The following PXDNL variants were observed in gnomAD, a reference collection of about 807,000 sequenced individuals.
The protein encoded by PXDNL is peroxidasin like.
In PXDNL, 145 loss-of-function variants were observed where a neutral mutation model predicts 150.8. The ratio of observed to expected loss-of-function variants is 0.96; its 90% CI spans 0.84 to 1.10. The LOEUF (loss-of-function observed/expected upper bound fraction) is 1.10, where lower values mean the gene tolerates loss of function less well. Ranked by LOEUF, PXDNL falls within the 50% of genes least tolerant of loss-of-function variation. The pLI, the probability that PXDNL is intolerant of heterozygous loss-of-function variation, is 0.00. For missense variants in PXDNL, 2,087 were observed against 1,873.9 expected (o/e 1.11, Z -2.10); for synonymous variants, 757 against 725.7 (o/e 1.04, Z -0.69).
intron 19 of PXDNL, among the ~76,000 whole-genome samples, chr8:51,368,149 A>G (rs1469406839): frequency 6.6e-6 from 1 of 152,146 alleles, no homozygotes; most frequent in Non-Finnish European, 1.5e-5. Context: ...AAAACAAAAC[A>G]AAACAAAATG....
chr8:51,568,964 T>G (rs1006495096), intron 3 of PXDNL, among the ~76,000 whole-genome samples: 2 of 151,936 alleles, frequency 1.3e-5, no homozygotes, highest in African/African-American at 4.8e-5. Flanking sequence ...TCCTAGAGTT[T>G]CTGTTTCTCT....
intron 19 of PXDNL, among the ~76,000 whole-genome samples, chr8:51,367,209 C>A (rs1806950700): frequency 6.6e-6 from 1 of 151,260 alleles, no homozygotes; most frequent in Non-Finnish European, 1.5e-5. Context: ...CTGGGATGTT[C>A]ACCCTCACCA....
chr8:51,436,451 C>T (rs1163181776), intron 12 of PXDNL: 4 of 356,498 alleles, frequency 1.1e-5, no homozygotes, highest in Non-Finnish European at 2.3e-5. Context: ...AATCAGCAAG[C>T]GAAAGATGTG....
intron 17 of PXDNL, among the ~76,000 whole-genome samples, chr8:51,378,109 T>C (rs1807400890): frequency 1.3e-5 from 2 of 151,978 alleles, no homozygotes; most frequent in Non-Finnish European, 2.9e-5. Flanking sequence ...CTAGCTAATC[T>C]GGTGGGGCGT....
At chr8:51,649,800 C>T (rs1208626966) in intron 2 of PXDNL, among the ~76,000 whole-genome samples, 1 of 151,926 alleles carries the variant, frequency 6.6e-6, no homozygotes, top group Admixed American at 6.6e-5. Flanking sequence ...ATGAAACATT[C>T]TTTGGACAGT....
chr8:51,593,126 G>A (rs1280911529), intron 2 of PXDNL, among the ~76,000 whole-genome samples: 3 of 152,112 alleles, frequency 2.0e-5, no homozygotes, highest in African/African-American at 7.2e-5. Context: ...GACTTTCATT[G>A]TGTATTTGTT....
intron 17 of PXDNL, among the ~76,000 whole-genome samples, chr8:51,403,613 T>C (rs931237556): frequency 3.3e-5 from 5 of 152,196 alleles, no homozygotes; most frequent in African/African-American, 9.7e-5. Context: ...TGCCAGTCTT[T>C]ACCCTACTTC....
At chr8:51,654,048 G>A (rs1815098871) in intron 2 of PXDNL, among the ~76,000 whole-genome samples, 1 of 152,168 alleles carries the variant, frequency 6.6e-6, no homozygotes. Flanking sequence ...CACAATGTCA[G>A]ACCATCAGTT....
intron 17 of PXDNL, among the ~76,000 whole-genome samples, chr8:51,407,277 T>C (rs1050712203): frequency 1.3e-5 from 2 of 152,238 alleles, no homozygotes; most frequent in Admixed American, 6.5e-5. Context: ...GAAGTATTTA[T>C]AGCCTTAGTT....
intron 5 of PXDNL, among the ~76,000 whole-genome samples, chr8:51,489,948 T>C (rs1025409902): frequency 1.3e-5 from 2 of 152,090 alleles, no homozygotes; most frequent in Non-Finnish European, 2.9e-5. Flanking sequence ...AAGCAATTAG[T>C]GAAGGGAAAT....
At chr8:51,668,232 T>A (rs1815430247) in intron 1 of PXDNL, among the ~76,000 whole-genome samples, 1 of 128,354 alleles carries the variant, frequency 7.8e-6, no homozygotes, top group Non-Finnish European at 1.6e-5. Flanking sequence ...CTGCATGCAG[T>A]GGCGCTATCT....
intron 12 of PXDNL, among the ~76,000 whole-genome samples, chr8:51,445,937 A>C (rs972040027): frequency 5.3e-5 from 8 of 151,924 alleles, no homozygotes; most frequent in African/African-American, 1.7e-4. Context: ...TGCTATTTTC[A>C]TATCTTCCCT....
chr8:51,363,885 A>G (rs1462443484), intron 19 of PXDNL, among the ~76,000 whole-genome samples: 1 of 152,196 alleles, frequency 6.6e-6, no homozygotes, highest in East Asian at 1.9e-4. Flanking sequence ...AAATAGCCAG[A>G]GATAGGATAC....
At chr8:51,596,524 T>A (rs886157565) in intron 2 of PXDNL, among the ~76,000 whole-genome samples, 2 of 152,204 alleles carry the variant, frequency 1.3e-5, no homozygotes, top group African/African-American at 4.8e-5. Context: ...CAACACTGTA[T>A]AAGCATTCCC....
At chr8:51,676,201 C>T (rs1240137248) in intron 1 of PXDNL, among the ~76,000 whole-genome samples, 1 of 152,106 alleles carries the variant, frequency 6.6e-6, no homozygotes, top group Admixed American at 6.6e-5. Flanking sequence ...ATCTTCTAAA[C>T]CCTTTGGTGC....
At chr8:51,559,761 C>T (rs577657656) in intron 3 of PXDNL, among the ~76,000 whole-genome samples, 1 of 151,964 alleles carries the variant, frequency 6.6e-6, no homozygotes, top group East Asian at 1.9e-4. Context: ...AAAGAAAGGG[C>T]TTGGAAAATG....
rs1295769930 is a variant in PXDNL at position 51,619,272 on chromosome 8, C to A, written c.237-26574G>T. Among the ~76,000 whole-genome samples, 3 of 152,336 alleles carry A rather than the reference C, an allele frequency of 2.0e-5. No homozygotes were observed. The East Asian group carries it at 5.8e-4, about 29-fold the overall frequency. On this transcript the variant is annotated intron_variant, in intron 2 of 22. Coordinates refer to ENST00000356297, the MANE Select transcript of PXDNL (RefSeq NM_144651.5). ...AAAAATATTTCTCCAGCCTTCCCTG[C>A]CTTTCTGTGTAAGGGCTGGCCATAA...
At chr8:51,758,508 A>C (rs1256168163) in intron 1 of PXDNL, among the ~76,000 whole-genome samples, 1 of 152,214 alleles carries the variant, frequency 6.6e-6, no homozygotes, top group Non-Finnish European at 1.5e-5. Context: ...CCCAAATCTC[A>C]TCTTGAATTA....
Position 51,570,125 on chromosome 8 carries a change from C to A in PXDNL, c.309-13214G>T, listed in dbSNP as rs189298741. ...ACACAAGTAGACATTTGCTGGGATT[C>A]TCATATATTAAAAAAGTTTAATCTC... On this transcript the variant is annotated intron_variant, in intron 3 of 22. Coordinates refer to ENST00000356297, the MANE Select transcript of PXDNL (RefSeq NM_144651.5). 4.6e-5 allele frequency among the ~76,000 whole-genome samples: 7 copies of A among 151,006 alleles called. No individual in the cohort carries two copies. In the East Asian group the frequency reaches 1.2e-3, roughly 25 times the overall value.
Sources: allele counts gnomAD v4.1 joint callset (sites outside exome capture counted in the v4.1 genomes callset), GRCh38; gene constraint gnomAD v4.1.1; transcripts MANE v1.5; gene names NCBI Gene and HGNC (gene_info 2026-07-23, HGNC 2026-07-21).